The following POLD1 variants were observed in gnomAD, a reference collection of about 807,000 sequenced individuals.
POLD1 encodes DNA polymerase delta 1, catalytic subunit.
POLD1 carries 79 observed loss-of-function variants against 129.7 expected under a neutral mutation model. That is an observed-to-expected ratio of 0.61 (90% CI 0.51 to 0.73). The LOEUF (loss-of-function observed/expected upper bound fraction) is 0.73, where lower values mean the gene tolerates loss of function less well. Ranked by LOEUF, POLD1 falls within the 30% of genes least tolerant of loss-of-function variation. POLD1 has a pLI of 0.00. For synonymous variants in POLD1, 714 were observed against 683.3 expected, an observed-to-expected ratio of 1.04 and a Z score of -0.70; for missense variants, 1,338 against 1,595.8, an observed-to-expected ratio of 0.84 and a Z score of 2.75.
intron 1 of POLD1, among the ~76,000 whole-genome samples, chr19:50,390,572 AT>A (rs563258123): frequency 5.1e-3 from 698 of 135,682 alleles, no homozygotes; most frequent in Middle Eastern, 0.012. Flanking sequence ...CTTGAGAACT[AT>A]TTTTTTTTTT....
chr19:50,402,420 CA>C (rs1568620567), intron 6 of POLD1, 33 bp from the exon 7 acceptor site: 1 of 1,613,014 alleles, frequency 6.2e-7, no homozygotes, highest in South Asian at 1.1e-5. Context: ...CACCCTCGGG[CA>C]GCCCCTGTCC....
chr19:50,403,243 A>T, intron 9 of POLD1, 24 bp downstream of exon 9: 1 of 1,523,952 alleles, frequency 6.6e-7, no homozygotes, highest in Non-Finnish European at 8.8e-7. Flanking sequence ...CACGCCCCAC[A>T]CCATTTCCCG....
chr19:50,402,425 C>T (rs377645694), intron 6 of POLD1, 29 bp from the exon 7 acceptor site: 23 of 1,612,972 alleles, frequency 1.4e-5, no homozygotes, highest in Non-Finnish European at 1.9e-5. Context: ...TCGGGCAGCC[C>T]CTGTCCACTG....
intron 22 of POLD1, 21 bp from the exon 23 acceptor site, chr19:50,416,375 G>A (rs1325506571): frequency 1.3e-6 from 2 of 1,547,524 alleles, no homozygotes; most frequent in South Asian, 2.4e-5. Flanking sequence ...CTGCCCGGGT[G>A]TGACTGCCAT....
chr19:50,416,089 A>G, intron 22 of POLD1: 1 of 566,232 alleles, frequency 1.8e-6, no homozygotes, highest in Non-Finnish European at 3.1e-6. Flanking sequence ...CCTTGGATTC[A>G]TAATCCTCCA....
chr19:50,385,224 G>C (rs1226505708), intron 1 of POLD1, among the ~76,000 whole-genome samples: 1 of 152,208 alleles, frequency 6.6e-6, no homozygotes, highest in Non-Finnish European at 1.5e-5. Context: ...TTAGGAGGGA[G>C]AGCGTCCTGC....
chr19:50,386,022 A>G (rs1022509030), intron 1 of POLD1, among the ~76,000 whole-genome samples: 3 of 152,162 alleles, frequency 2.0e-5, no homozygotes, highest in Non-Finnish European at 4.4e-5. Flanking sequence ...TTCAGTCCAG[A>G]GTGCGCTGAG....
chr19:50,417,581 G>A (rs1472280122), intron 26 of POLD1, among the ~76,000 whole-genome samples: 1 of 152,070 alleles, frequency 6.6e-6, no homozygotes, highest in African/African-American at 2.4e-5. Context: ...CCCAGGGAAC[G>A]GGTAGGCGGG....
At chr19:50,412,444 C>T (rs1043754757) in intron 17 of POLD1, among the ~76,000 whole-genome samples, 6 of 150,402 alleles carry the variant, frequency 4.0e-5, no homozygotes, top group Non-Finnish European at 5.9e-5. Flanking sequence ...TGAGTCACCA[C>T]GCTTGGCCTC....
intron 3 of POLD1, 97 bp from the exon 4 acceptor site, chr19:50,401,681 C>T: frequency 7.3e-7 from 1 of 1,363,982 alleles, no homozygotes; most frequent in Non-Finnish European, 1.0e-6. Context: ...GGCAGGAGTG[C>T]CCCAGGCTGC....
Position 50,417,947 on chromosome 19 carries a change from A to G in POLD1, c.3324A>G (p.Ter1108TrpextTer?). The change falls in exon 27 of 27, where the codon TGA becomes TGG. Residue 1108 changes from the stop codon to tryptophan, a stop_lost. Transcript: ENST00000440232. ...GACCCCCTGGACCTGAGGCCTGGTGACCTTGCAAGCATCCCATGGGGCGGG... is the reference window on the plus strand; with the variant it reads ...GACCCCCTGGACCTGAGGCCTGGTGGCCTTGCAAGCATCCCATGGGGCGGG... ...RFGPPGPEAW[*>W] is the part of the protein sequence containing the mutation. 1.3e-6 allele frequency: 2 copies of G among 1,595,024 alleles called. No individual in the cohort carries two copies. The highest frequency in any genetic ancestry group is 1.7e-6 in the Non-Finnish European group (2 of 1,165,896).
intron 20 of POLD1, 116 bp downstream of exon 20, chr19:50,415,106 C>T (rs1482345179): frequency 2.5e-5 from 25 of 980,946 alleles, no homozygotes; most frequent in Non-Finnish European, 3.5e-5. Context: ...TCCAGGCCCC[C>T]AGCCCCCTCC....
rs2038904758 is a variant in POLD1, at chr19:50,406,865, G to T, written c.1495-118G>T. ...CCCTGACGACTTGGAGGGCCCTCCTGCCCGCCTCACCTCCCAGGCCCTCCC... is the reference window on the plus strand; with the variant it reads ...CCCTGACGACTTGGAGGGCCCTCCTTCCCGCCTCACCTCCCAGGCCCTCCC... On this transcript the variant is annotated intron_variant, in intron 12 of 26. Coordinates refer to ENST00000440232, the MANE Select transcript of POLD1 (RefSeq NM_002691.4). The surrounding 1 kb of genome is among the most constrained non-coding windows in gnomAD (Gnocchi z 5.5). 3 of 819,756 alleles carry T rather than the reference G, an allele frequency of 3.7e-6. No individual in the cohort carries two copies. The highest frequency in any genetic ancestry group is 5.7e-6 in the Non-Finnish European group (3 of 523,880). 50.8% of individuals were successfully genotyped at this position (819,756 alleles called of 1,614,324 possible).
At chr19:50,391,139 G>C (rs993874785) in intron 1 of POLD1, among the ~76,000 whole-genome samples, 6 of 151,640 alleles carry the variant, frequency 4.0e-5, no homozygotes, top group Admixed American at 6.6e-5. Flanking sequence ...ATCCCAGACG[G>C]GGCGTCGGGG....
At chr19:50,401,068 A>C (rs1448092782) in intron 3 of POLD1, among the ~76,000 whole-genome samples, 1 of 151,248 alleles carries the variant, frequency 6.6e-6, no homozygotes, top group Non-Finnish European at 1.5e-5. Flanking sequence ...CAGGCTGATC[A>C]CTTGAGGACA....
chr19:50,385,875 C>G, intron 1 of POLD1, among the ~76,000 whole-genome samples: 1 of 151,930 alleles, frequency 6.6e-6, no homozygotes, highest in East Asian at 1.9e-4. Flanking sequence ...TCTCTTCCCC[C>G]TAGAGAGGTT....
intron 1 of POLD1, among the ~76,000 whole-genome samples, chr19:50,385,302 T>C (rs553342026): frequency 6.6e-6 from 1 of 152,122 alleles, no homozygotes; most frequent in African/African-American, 2.4e-5. Flanking sequence ...GGACTGGGCG[T>C]AGGAGCAAGG....
At chr19:50,416,939 T>G (rs1175119749) in intron 24 of POLD1, 106 bp from the exon 25 acceptor site, 1 of 1,279,996 alleles carries the variant, frequency 7.8e-7, no homozygotes, top group Non-Finnish European at 1.1e-6. Flanking sequence ...TCCGTTGTTC[T>G]CCAGCCTCTG....
Position 50,413,407 on chromosome 19 carries a change from A to G in POLD1, c.2155-19A>G. The G allele has an allele frequency of 3.1e-6, 5 of 1,609,212 alleles. No individual in the cohort carries two copies. Among genetic ancestry groups the G allele is most frequent in the East Asian group, 4.5e-5 (2 of 44,730 alleles). The stretch of plus-strand genomic sequence containing the variant: ...CATGGCCCCCAGGGCTTCACTCCGC[A>G]TGATTCTCTCCCCGACAGAGCGTCA... On this transcript the variant is annotated intron_variant, in intron 17 of 26. Coordinates refer to ENST00000440232, the MANE Select transcript of POLD1 (RefSeq NM_002691.4).
Sources: gnomAD v4.1 joint callset for allele counts (sites outside exome capture counted in the v4.1 genomes callset) on GRCh38, gnomAD v4.1.1 for gene constraint, Gnocchi (gnomAD v3.1) non-coding constraint, MANE v1.5 for transcripts, NCBI Gene and HGNC (gene_info 2026-07-23, HGNC 2026-07-21) for gene names.